The following ART1 variants were observed in gnomAD, a reference collection of about 807,000 sequenced individuals.
ART1 encodes ADP-ribosyltransferase 1.
A neutral mutation model predicts 27.0 loss-of-function variants in ART1; 29 were observed. The observed-to-expected ratio is 1.08, with a 90% CI of 0.80 to 1.47. ART1 has a LOEUF of 1.47. ART1 is among the 40% of genes most tolerant of loss of function. The probability of loss-of-function intolerance (pLI) is 0.00; values close to 1 mark genes in which losing one functional copy is unlikely to be tolerated. For missense variants in ART1, 480 were observed against 423.0 expected, an observed-to-expected ratio of 1.13 and a Z score of -1.18; for synonymous variants, 201 against 172.2, an observed-to-expected ratio of 1.17 and a Z score of -1.31.
At chr11:3,661,294 G>A in intron 3 of ART1, 78 bp from the exon 4 acceptor site, 1 of 1,336,196 alleles carries the variant, frequency 7.5e-7, no homozygotes, top group Non-Finnish European at 1.0e-6. Context: ...AGTCAGGGAT[G>A]GACTACCAGG....
chr11:3,663,104 C>CATCTCATCTCATT (rs2077634906), intron 4 of ART1, among the ~76,000 whole-genome samples: 1 of 115,592 alleles, frequency 8.7e-6, no homozygotes, highest in African/African-American at 3.7e-5. Flanking sequence ...CTCATCTCAT[C>CATCTCATCTCATT]TCATCTCATC....
At chr11:3,655,330 C>G (rs116941006) in intron 1 of ART1, among the ~76,000 whole-genome samples, 1 of 49,314 alleles carries the variant, frequency 2.0e-5, no homozygotes, top group Non-Finnish European at 7.2e-5. Flanking sequence ...CAAAGTCAGA[C>G]AGAGAAGAGA....
chr11:3,653,614 T>G (rs1466120084), intron 1 of ART1, among the ~76,000 whole-genome samples: 1 of 152,202 alleles, frequency 6.6e-6, no homozygotes, highest in Non-Finnish European at 1.5e-5. Context: ...TGTTTGGTGG[T>G]CTCTTCACAC....
chr11:3,650,138 A>G (rs2077508022), intron 1 of ART1, among the ~76,000 whole-genome samples: 1 of 152,160 alleles, frequency 6.6e-6, no homozygotes, highest in Non-Finnish European at 1.5e-5. Flanking sequence ...TCCGGCACAC[A>G]AGAACTTCCA....
intron 1 of ART1, among the ~76,000 whole-genome samples, chr11:3,646,585 G>A (rs974348810): frequency 1.3e-5 from 2 of 152,174 alleles, no homozygotes; most frequent in African/African-American, 4.8e-5. Context: ...AGAGCCTCTA[G>A]AAAGCCAAGG....
intron 1 of ART1, among the ~76,000 whole-genome samples, chr11:3,650,642 C>A (rs2077513883): frequency 6.6e-6 from 1 of 152,142 alleles, no homozygotes; most frequent in Non-Finnish European, 1.5e-5. Flanking sequence ...CCAACTTAGA[C>A]AATACTCTTT....
At chr11:3,663,032 CA>C (rs754396387) in intron 4 of ART1, among the ~76,000 whole-genome samples, 3 of 99,600 alleles carry the variant, frequency 3.0e-5, no homozygotes, top group Non-Finnish European at 6.1e-5. Context: ...CATCTCATCT[CA>C]TCATCTCATC....
intron 1 of ART1, among the ~76,000 whole-genome samples, chr11:3,655,148 C>G (rs892911517): frequency 6.6e-6 from 1 of 152,174 alleles, no homozygotes; most frequent in Non-Finnish European, 1.5e-5. Flanking sequence ...TTGCTCTGGG[C>G]TGGGCTCAGG....
At chr11:3,664,034 T>C in intron 4 of ART1, 58 bp from the exon 5 acceptor site, 1 of 1,575,764 alleles carries the variant, frequency 6.3e-7, no homozygotes, top group South Asian at 1.1e-5. Flanking sequence ...CCTGTGCTCC[T>C]AAATACCTCT....
In ART1 at chr11:3,659,944, G is replaced by A. The variant is rs766036791; in HGVS notation, c.425G>A (p.Arg142Gln). Residue 142 changes from arginine (R) to glutamine (Q), a missense_variant, in exon 3 of 5, where the codon CGG (arginine) becomes CAG (glutamine). By Grantham distance (43) the Arg-to-Gln change is conservative (BLOSUM62 1). Transcript: ENST00000250693. The part of the protein sequence containing the change: ...NAAVREAGRS[R>Q]AHYLHHFSFK... ...GCCGTGCGTGAGGCGGGCCGCTCCC[G>A]GGCCCACTACCTCCACCACTTCTCC... 35 of 1,613,586 alleles carry A rather than the reference G, an allele frequency of 2.2e-5. No homozygotes were observed. Among genetic ancestry groups the A allele is most frequent in the African/African-American group, 1.1e-4 (8 of 74,928 alleles).
chr11:3,656,464 C>G (rs1290373471), intron 1 of ART1, among the ~76,000 whole-genome samples: 1 of 152,070 alleles, frequency 6.6e-6, no homozygotes, highest in Non-Finnish European at 1.5e-5. Context: ...CTCACTGCAA[C>G]CTCCGCTTCC....
chr11:3,653,701 A>G (rs540301883), intron 1 of ART1, among the ~76,000 whole-genome samples: 3 of 152,270 alleles, frequency 2.0e-5, no homozygotes, highest in African/African-American at 7.2e-5. Flanking sequence ...AGTTTAAAGA[A>G]TGGAAACCTG....
rs200477622 is a variant in ART1 at position 3,660,357 on chromosome 11, A to C, written c.838A>C (p.Ile280Leu). 6.3e-7 allele frequency: 1 copy of C among 1,598,932 alleles called. No individual in the cohort carries two copies. Among genetic ancestry groups the C allele is most frequent in the Non-Finnish European group, 8.5e-7 (1 of 1,177,398 alleles). Residue 280 changes from isoleucine (I) to leucine (L), a missense_variant, in exon 3 of 5, where the codon ATC (isoleucine) becomes CTC (leucine). Ile to Leu is a conservative substitution (Grantham distance 5). Coordinates refer to ENST00000250693, the MANE Select transcript of ART1 (RefSeq NM_004314.3). ...GKHSTYNCEY[I>L]KDKKCKSGPC... ...GCACAGCACCTACAACTGCGAGTAC[A>C]TCAAAGGTAGGAGGGCAAGCGCTGG...
At chr11:3,657,411 C>T (rs1441310857) in intron 1 of ART1, among the ~76,000 whole-genome samples, 3 of 151,960 alleles carry the variant, frequency 2.0e-5, no homozygotes, top group African/African-American at 7.3e-5. Context: ...CCCACCTCTA[C>T]AAAAAATATA....
intron 1 of ART1, among the ~76,000 whole-genome samples, chr11:3,648,544 T>C (rs532904537): frequency 6.6e-6 from 1 of 152,272 alleles, no homozygotes; most frequent in South Asian, 2.1e-4. Flanking sequence ...CACTTCAATC[T>C]CTCCATTCTC....
intron 1 of ART1, among the ~76,000 whole-genome samples, chr11:3,655,184 G>A (rs183366968): frequency 1.4e-4 from 22 of 152,278 alleles, no homozygotes; most frequent in Admixed American, 7.8e-4. Flanking sequence ...TTCATTCTGG[G>A]GGTCCAGACT....
At chr11:3,661,006 G>C (rs1057117222) in intron 3 of ART1, among the ~76,000 whole-genome samples, 7 of 152,148 alleles carry the variant, frequency 4.6e-5, no homozygotes, top group African/African-American at 1.7e-4. Flanking sequence ...TTCCTATCTT[G>C]GACAACATCA....
At chr11:3,662,717 G>A (rs2077629026) in intron 4 of ART1, among the ~76,000 whole-genome samples, 1 of 152,210 alleles carries the variant, frequency 6.6e-6, no homozygotes, top group Non-Finnish European at 1.5e-5. Flanking sequence ...GGTGGCGCAT[G>A]CCTGTAATCC....
intron 4 of ART1, among the ~76,000 whole-genome samples, chr11:3,662,143 G>A (rs1425670323): frequency 6.6e-6 from 1 of 152,234 alleles, no homozygotes; most frequent in Non-Finnish European, 1.5e-5. Context: ...AGGCCATGAG[G>A]CCAGGCTTTT....
Sources: allele counts gnomAD v4.1 joint callset (sites outside exome capture counted in the v4.1 genomes callset), GRCh38; gene constraint gnomAD v4.1.1; transcripts MANE v1.5; gene names NCBI Gene and HGNC (gene_info 2026-07-23, HGNC 2026-07-21).